Variants in RFTN2 observed in about 807,000 individuals in gnomAD.
The protein encoded by RFTN2 is raftlin-2.
Under a neutral mutation model 52.7 loss-of-function variants are expected in RFTN2, and 34 were observed. The ratio of observed to expected loss-of-function variants is 0.64; its 90% confidence interval spans 0.49 to 0.86. The LOEUF is 0.86. Among genes scored for constraint, RFTN2 ranks in the 40% least tolerant of loss-of-function variants. The pLI is 0.00. For synonymous variants in RFTN2, 203 were observed against 217.7 expected, an observed-to-expected ratio of 0.93 and a Z score of 0.59; for missense variants, 536 against 600.1, an observed-to-expected ratio of 0.89 and a Z score of 1.12.
At chr2:197,618,906 G>A (rs1209001842) in intron 5 of RFTN2, among the ~76,000 whole-genome samples, 1 of 151,900 alleles carries the variant, frequency 6.6e-6, no homozygotes, top group African/African-American at 2.4e-5. Context: ...CCCCGTCTGG[G>A]AAGTGAGGAG....
In RFTN2 at chr2:197,602,543, C is replaced by CT. The variant is rs546686019; in HGVS notation, c.1155-6475dup. 8.8e-4 allele frequency among the ~76,000 whole-genome samples: 127 copies of CT among 143,952 alleles called. No homozygotes were observed. The South Asian group carries it at 0.011, about 12-fold the overall frequency. The allele number at this position is 143,952 out of a possible 152,430, so 94.4% of individuals were successfully genotyped here. On this transcript the variant is annotated intron_variant, in intron 7 of 8. Coordinates refer to ENST00000295049, the MANE Select transcript of RFTN2 (RefSeq NM_144629.3). ...TTCTTTAAGATATAAAAGCCAAGAT[C>CT]TTTTTTTTTTTGGTGAGATGGAGTC... is the stretch of plus-strand genomic sequence containing the variant.
chr2:197,675,213 A>T, intron 1 of RFTN2, 107 bp downstream of exon 1: 1 of 826,698 alleles, frequency 1.2e-6, no homozygotes, highest in Non-Finnish European at 1.8e-6. Flanking sequence ...TTGAATATAC[A>T]ATCTCATTAT....
chr2:197,594,161 A>C (rs1009556985), intron 8 of RFTN2, among the ~76,000 whole-genome samples: 2 of 151,138 alleles, frequency 1.3e-5, no homozygotes, highest in Non-Finnish European at 3.0e-5. Context: ...TACGACAGGC[A>C]CGTGCCACCA....
At chr2:197,575,639 C>T (rs987079968) in intron 8 of RFTN2, among the ~76,000 whole-genome samples, 1 of 151,520 alleles carries the variant, frequency 6.6e-6, no homozygotes, top group Non-Finnish European at 1.5e-5. Flanking sequence ...GTGGCATGAG[C>T]CTGTAGTCCC....
intron 7 of RFTN2, among the ~76,000 whole-genome samples, chr2:197,614,268 A>G (rs1393783747): frequency 2.6e-5 from 4 of 152,198 alleles, no homozygotes; most frequent in Non-Finnish European, 5.9e-5. Flanking sequence ...TGATTTTTAA[A>G]ATTTAAAATT....
intron 5 of RFTN2, among the ~76,000 whole-genome samples, chr2:197,628,791 T>C (rs572851058): frequency 6.6e-5 from 10 of 152,342 alleles, no homozygotes; most frequent in Non-Finnish European, 1.3e-4. Context: ...TTACATTTAT[T>C]ATATCTTGTT....
chr2:197,644,892 A>C (rs918725286), intron 2 of RFTN2, among the ~76,000 whole-genome samples: 2 of 152,244 alleles, frequency 1.3e-5, no homozygotes, highest in Admixed American at 1.3e-4. Flanking sequence ...ATGTTAAAGT[A>C]GGCAATTACT....
intron 8 of RFTN2, among the ~76,000 whole-genome samples, chr2:197,590,051 G>A (rs529138753): frequency 5.4e-4 from 74 of 135,948 alleles, no homozygotes; most frequent in East Asian, 1.1e-3. Context: ...GGGATTACCC[G>A]TGTGCGCCAC....
At chr2:197,630,374 T>C (rs908506499) in intron 5 of RFTN2, among the ~76,000 whole-genome samples, 12 of 152,184 alleles carry the variant, frequency 7.9e-5, no homozygotes, top group Non-Finnish European at 1.6e-4. Context: ...CTTTCCTTTT[T>C]CTTTTTTTAA....
At chr2:197,585,276 C>T (rs1256104393) in intron 8 of RFTN2, among the ~76,000 whole-genome samples, 3 of 152,152 alleles carry the variant, frequency 2.0e-5, no homozygotes, top group Non-Finnish European at 2.9e-5. Flanking sequence ...GGACTGCACC[C>T]CAAAAACTTG....
At chr2:197,638,047 C>T (rs1242179061) in intron 3 of RFTN2, among the ~76,000 whole-genome samples, 10 of 150,710 alleles carry the variant, frequency 6.6e-5, no homozygotes, top group African/African-American at 2.2e-4. Context: ...AGTTGAGCGG[C>T]TTTGAGTGAA....
At chr2:197,640,588 TCGGCTCGCGCA>T (rs1157153869) in intron 3 of RFTN2, among the ~76,000 whole-genome samples, 6 of 152,230 alleles carry the variant, frequency 3.9e-5, no homozygotes, top group African/African-American at 1.4e-4. Flanking sequence ...TCGCCCTGCT[TCGGCTCGCGCA>T]CGGTGCGCGC....
chr2:197,645,365 T>C (rs186085899), intron 2 of RFTN2, among the ~76,000 whole-genome samples: 94 of 152,320 alleles, frequency 6.2e-4, no homozygotes, highest in African/African-American at 2.2e-3. Flanking sequence ...TCTAGGTTTG[T>C]GTAAGTACAC....
chr2:197,581,217 C>T (rs1039315848), intron 8 of RFTN2, among the ~76,000 whole-genome samples: 4 of 152,220 alleles, frequency 2.6e-5, no homozygotes, highest in African/African-American at 9.6e-5. Flanking sequence ...TTACCTGTCC[C>T]AAAACCGGAC....
At chr2:197,624,467 G>A (rs1241104193) in intron 5 of RFTN2, among the ~76,000 whole-genome samples, 1 of 151,702 alleles carries the variant, frequency 6.6e-6, no homozygotes, top group African/African-American at 2.4e-5. Flanking sequence ...GCGTGGTGGC[G>A]TGAGCCTGTA....
chr2:197,660,464 A>C (rs150795339), intron 1 of RFTN2, among the ~76,000 whole-genome samples: 2 of 152,320 alleles, frequency 1.3e-5, no homozygotes, highest in East Asian at 3.9e-4. Flanking sequence ...ATTAATTCAT[A>C]GTATTTTACA....
At chr2:197,626,900 G>A (rs1383459708) in intron 5 of RFTN2, among the ~76,000 whole-genome samples, 2 of 152,124 alleles carry the variant, frequency 1.3e-5, no homozygotes, top group Non-Finnish European at 2.9e-5. Flanking sequence ...TTACAGGCGT[G>A]AGCCACCATG....
intron 7 of RFTN2, among the ~76,000 whole-genome samples, chr2:197,603,255 C>T (rs529036347): frequency 6.6e-6 from 1 of 152,254 alleles, no homozygotes; most frequent in African/African-American, 2.4e-5. Flanking sequence ...TCTTTCCTTT[C>T]TACACTAACT....
chr2:197,591,773 G>A (rs924342564), intron 8 of RFTN2, among the ~76,000 whole-genome samples: 4 of 152,156 alleles, frequency 2.6e-5, no homozygotes, highest in African/African-American at 7.2e-5. Flanking sequence ...TGTGGGACCC[G>A]GCGCACCCTC....
Sources: allele counts gnomAD v4.1 joint callset (sites outside exome capture counted in the v4.1 genomes callset), GRCh38; gene constraint gnomAD v4.1.1; transcripts MANE v1.5; gene names NCBI Gene and HGNC (gene_info 2026-07-23, HGNC 2026-07-21).